RTN4: variants seen among roughly 807,000 people sequenced by gnomAD.
RTN4 encodes reticulon-4.
A neutral mutation model predicts 90.4 loss-of-function variants in RTN4; 32 were observed. That is an observed-to-expected ratio of 0.35 (90% CI 0.27 to 0.48). The LOEUF (loss-of-function observed/expected upper bound fraction) is 0.48, where lower values mean the gene tolerates loss of function less well. RTN4 is among the 20% of genes least tolerant of loss of function. The pLI is 0.99. For synonymous variants in RTN4, 629 were observed against 552.5 expected, an observed-to-expected ratio of 1.14 and a Z score of -1.94; for missense variants, 1,706 against 1,430.2, an observed-to-expected ratio of 1.19 and a Z score of -3.11.
Position 55,027,407 on chromosome 2 carries a change from G to C in RTN4, c.692C>G (p.Thr231Ser). Residue 231 changes from threonine to serine, a missense_variant, in exon 3 of 9, where the codon ACT becomes AGT. Coordinates refer to ENST00000337526, the MANE Select transcript of RTN4 (RefSeq NM_020532.5). ...AGACAGAGAAGGAAGAGAAGCAGCA[G>C]TTTCAAGCAGGACAGATGGGAAATC... is the stretch of plus-strand genomic sequence containing the variant. Reference protein sequence around the residue: ...QEDFPSVLLETAASLPSLSPL... With the variant: ...QEDFPSVLLESAASLPSLSPL... The C allele has an allele frequency of 6.2e-7, 1 of 1,613,688 alleles. No individual in the cohort carries two copies. Among genetic ancestry groups the C allele is most frequent in the African/African-American group, 1.3e-5 (1 of 75,028 alleles).
chr2:55,062,703 C>T (rs181717169), intron 2 of RTN4, among the ~76,000 whole-genome samples: 2 of 152,188 alleles, frequency 1.3e-5, no homozygotes, highest in Non-Finnish European at 2.9e-5. Context: ...CACTGTAAAG[C>T]TTTGTTCTTT....
At chr2:55,027,890 C>T (rs1271869086) in intron 2 of RTN4, among the ~76,000 whole-genome samples, 1 of 152,132 alleles carries the variant, frequency 6.6e-6, no homozygotes, top group African/African-American at 2.4e-5. Flanking sequence ...TCTGGCTATA[C>T]TCAAACTGTA....
chr2:55,063,270 CG>C (rs1250435033), intron 2 of RTN4, among the ~76,000 whole-genome samples: 1 of 152,090 alleles, frequency 6.6e-6, no homozygotes, highest in Non-Finnish European at 1.5e-5. Flanking sequence ...TTAGGTGAGG[CG>C]GGAAAGCCTT....
At position 55,100,355 on chromosome 2, in the gene RTN4, A is replaced by T. The variant is rs114512425; in HGVS notation, c.-214+12165T>A. 3.6e-3 allele frequency among the ~76,000 whole-genome samples: 551 copies of T among 152,212 alleles called. 9 individuals carry two copies. Among genetic ancestry groups the T allele is most frequent in the African/African-American group, 0.013 (520 of 41,508 alleles). On this transcript the variant is annotated intron_variant, in intron 1 of 3. Coordinates refer to the RTN4 transcript ENST00000427710. The stretch of plus-strand genomic sequence containing the variant: ...CCCAAGCCCTCCAGATCCCTTTCTA[A>T]TCAAACTGGTAGAATTACAAGACAT...
At chr2:55,009,917 G>A (rs1168620742) in intron 3 of RTN4, among the ~76,000 whole-genome samples, 1 of 152,124 alleles carries the variant, frequency 6.6e-6, no homozygotes, top group African/African-American at 2.4e-5. Flanking sequence ...ACATTTTCTG[G>A]TATACAACCA....
In RTN4 at chr2:55,108,387, T is replaced by A. The variant is rs557286405; in HGVS notation, c.-214+4133A>T. Among the ~76,000 whole-genome samples, 223 of 152,208 alleles carry A rather than the reference T, an allele frequency of 1.5e-3. 1 individual carries two copies. The Middle Eastern group carries it at 0.041, about 28-fold the overall frequency. On this transcript the variant is annotated intron_variant, in intron 1 of 3. Transcript: ENST00000427710. The stretch of plus-strand genomic sequence containing the variant: ...GCATTTAGTTACTTGAGTGCTCATC[T>A]CTTGCCAGGCAGGAGAGGGAGAAGG...
intron 8 of RTN4, 86 bp from the exon 9 acceptor site, chr2:54,973,284 C>G (rs1209682635): frequency 1.7e-6 from 2 of 1,171,208 alleles, no homozygotes; most frequent in African/African-American, 3.1e-5. Flanking sequence ...GTATGTTATT[C>G]AGCTAATACA....
At chr2:55,107,091 C>T (rs1667956645) in intron 1 of RTN4, among the ~76,000 whole-genome samples, 1 of 151,898 alleles carries the variant, frequency 6.6e-6, no homozygotes, top group South Asian at 2.1e-4. Flanking sequence ...TTAAATCATG[C>T]CAAGGTTTTG....
chr2:54,994,842 C>A (rs531781338), intron 3 of RTN4, among the ~76,000 whole-genome samples: 1 of 152,306 alleles, frequency 6.6e-6, no homozygotes, highest in South Asian at 2.1e-4. Flanking sequence ...CTGGAAACTG[C>A]AACTTTAAGT....
the RTN4 span, among the ~76,000 whole-genome samples, chr2:55,122,251 T>G: frequency 6.6e-6 from 1 of 152,210 alleles, no homozygotes; most frequent in Non-Finnish European, 1.5e-5. Flanking sequence ...AGTGCTGGGA[T>G]TATAGGCATG....
upstream of RTN4, among the ~76,000 whole-genome samples, chr2:55,115,191 G>A (rs746230717): frequency 3.3e-5 from 5 of 152,330 alleles, no homozygotes; most frequent in Middle Eastern, 3.4e-3. Flanking sequence ...TAGGTCAGAA[G>A]TCTGACATGA....
At chr2:54,999,858 C>T (rs1395587367) in intron 3 of RTN4, among the ~76,000 whole-genome samples, 2 of 152,052 alleles carry the variant, frequency 1.3e-5, no homozygotes, top group Non-Finnish European at 2.9e-5. Flanking sequence ...AGGCGAAGGT[C>T]CACAAAAAGG....
intron 1 of RTN4, among the ~76,000 whole-genome samples, chr2:55,098,161 C>T (rs575275574): frequency 3.5e-4 from 54 of 152,146 alleles, no homozygotes; most frequent in Middle Eastern, 3.4e-3. Flanking sequence ...TTTTCTTTTT[C>T]ACCTGTTAGA....
intron 5 of RTN4, among the ~76,000 whole-genome samples, chr2:54,978,882 T>G (rs1005136744): frequency 6.6e-6 from 1 of 152,050 alleles, no homozygotes; most frequent in South Asian, 2.1e-4. Context: ...TTAAACAAGG[T>G]AAATACATTT....
At chr2:55,063,463 T>G (rs142032801) in intron 2 of RTN4, among the ~76,000 whole-genome samples, 1 of 151,988 alleles carries the variant, frequency 6.6e-6, no homozygotes, top group Non-Finnish European at 1.5e-5. Flanking sequence ...TGACACCAGA[T>G]GGTGGGGGAG....
At chr2:55,129,880 G>T in the RTN4 span, among the ~76,000 whole-genome samples, 1 of 151,968 alleles carries the variant, frequency 6.6e-6, no homozygotes, top group South Asian at 2.1e-4. Context: ...TTTAAAAAAA[G>T]AAAAAAGAGT....
At chr2:55,038,702 T>A (rs1682859154) in intron 1 of RTN4, among the ~76,000 whole-genome samples, 1 of 152,206 alleles carries the variant, frequency 6.6e-6, no homozygotes, top group Non-Finnish European at 1.5e-5. Context: ...TTAAGCAACT[T>A]CTTATAAAGT....
intron 4 of RTN4, among the ~76,000 whole-genome samples, chr2:54,986,559 T>A: frequency 6.6e-6 from 1 of 152,216 alleles, no homozygotes; most frequent in Non-Finnish European, 1.5e-5. Flanking sequence ...AACAAAATTT[T>A]GTGATTTTCC....
chr2:55,020,513 A>T (rs1311812481), intron 3 of RTN4, among the ~76,000 whole-genome samples: 1 of 152,108 alleles, frequency 6.6e-6, no homozygotes, highest in Non-Finnish European at 1.5e-5. Context: ...TTTACATTCC[A>T]ATAGTAAGAA....
Sources: gnomAD v4.1 joint callset for allele counts (sites outside exome capture counted in the v4.1 genomes callset) on GRCh38, gnomAD v4.1.1 for gene constraint, MANE v1.5 for transcripts, NCBI Gene and HGNC (gene_info 2026-07-23, HGNC 2026-07-21) for gene names.